The following STK32B variants were observed in gnomAD, a reference collection of about 807,000 sequenced individuals.
STK32B encodes serine/threonine-protein kinase 32B.
Under a neutral mutation model 52.6 loss-of-function variants are expected in STK32B, and 43 were observed. The ratio of observed to expected loss-of-function variants is 0.82; its 90% CI spans 0.64 to 1.05. STK32B has a LOEUF of 1.05. Ranked by LOEUF, STK32B falls within the 50% of genes least tolerant of loss-of-function variation. The probability of loss-of-function intolerance (pLI) is 0.00; values close to 1 mark genes in which losing one functional copy is unlikely to be tolerated. For missense variants in STK32B, 621 were observed against 534.6 expected, an observed-to-expected ratio of 1.16 and a Z score of -1.59; for synonymous variants, 238 against 204.3, an observed-to-expected ratio of 1.17 and a Z score of -1.41.
intron 3 of STK32B, among the ~76,000 whole-genome samples, chr4:5,211,508 C>T: frequency 7.5e-6 from 1 of 132,854 alleles, no homozygotes; most frequent in South Asian, 2.7e-4. Context: ...ACTGGAGGTC[C>T]CCAGGAGGAC....
chr4:5,439,002 T>C (rs1181668966), intron 6 of STK32B, among the ~76,000 whole-genome samples: 4 of 151,708 alleles, frequency 2.6e-5, no homozygotes, highest in Admixed American at 6.6e-5. Context: ...CAGTCTATCA[T>C]TGTTGGACAT....
At chr4:5,127,414 C>G (rs1458319824) in intron 1 of STK32B, among the ~76,000 whole-genome samples, 1 of 152,132 alleles carries the variant, frequency 6.6e-6, no homozygotes, top group Non-Finnish European at 1.5e-5. Context: ...ATTAATTGCC[C>G]TGATTCTTCA....
At chr4:5,247,063 A>C (rs569851046) in intron 3 of STK32B, among the ~76,000 whole-genome samples, 1 of 152,136 alleles carries the variant, frequency 6.6e-6, no homozygotes, top group Admixed American at 6.5e-5. Context: ...TCAGATCTCA[A>C]GCTGCATGCT....
At chr4:5,086,080 G>A (rs960985889) in intron 1 of STK32B, among the ~76,000 whole-genome samples, 6 of 152,084 alleles carry the variant, frequency 3.9e-5, no homozygotes, top group African/African-American at 1.4e-4. Context: ...GATAATAGTT[G>A]GTGCAAACAA....
intron 11 of STK32B, among the ~76,000 whole-genome samples, chr4:5,477,974 A>T (rs1175457812): frequency 6.6e-6 from 1 of 152,148 alleles, no homozygotes; most frequent in Non-Finnish European, 1.5e-5. Context: ...GCTGAGGCGG[A>T]AAAGCTCAGC....
the STK32B span, chr4:5,019,592 G>A: frequency 2.5e-6 from 2 of 813,014 alleles, no homozygotes; most frequent in South Asian, 3.2e-5. Flanking sequence ...CACGCCCACC[G>A]GGCAGGGTCG....
In STK32B at chr4:5,467,930, G is replaced by A. The variant is rs761508920; in HGVS notation, c.1042-76G>A. 105 of 1,541,890 alleles carry A rather than the reference G, an allele frequency of 6.8e-5. No individual in the cohort carries two copies. The highest frequency in any genetic ancestry group is 2.0e-4 in the Middle Eastern group (1 of 5,090). ...AGGTTTCCATCTAGGTCAGTCTGCCGTCCTGTGATGCTCCATTACCGCGCG... is the reference window on the plus strand; with the variant it reads ...AGGTTTCCATCTAGGTCAGTCTGCCATCCTGTGATGCTCCATTACCGCGCG... On this transcript the variant is annotated intron_variant, in intron 10 of 11. Coordinates refer to ENST00000282908, the MANE Select transcript of STK32B (RefSeq NM_018401.3). This position sits in a 1 kb window ranked among gnomAD's most constrained non-coding sequence, Gnocchi z 5.8.
intron 2 of STK32B, among the ~76,000 whole-genome samples, chr4:5,159,620 A>T (rs191244717): frequency 9.6e-6 from 1 of 104,582 alleles, no homozygotes; most frequent in East Asian, 2.6e-4. Context: ...AATATATATG[A>T]ATATATATGA....
intron 3 of STK32B, among the ~76,000 whole-genome samples, chr4:5,310,940 T>A (rs72616106): frequency 0.13 from 19,476 of 152,070 alleles, 2,697 homozygotes; most frequent in African/African-American, 0.36. Flanking sequence ...CCAGGCACAG[T>A]AAAGAAAATG....
chr4:5,271,027 T>A (rs1364376707), intron 3 of STK32B, among the ~76,000 whole-genome samples: 1 of 145,174 alleles, frequency 6.9e-6, no homozygotes, highest in African/African-American at 2.5e-5. Flanking sequence ...AACCTCTGCC[T>A]CCCAGATTCA....
chr4:5,251,373 T>C (rs1358090297), intron 3 of STK32B, among the ~76,000 whole-genome samples: 2 of 152,176 alleles, frequency 1.3e-5, no homozygotes, highest in African/African-American at 2.4e-5. Context: ...TTGTTGACTT[T>C]GTTGAAGGTC....
At chr4:5,476,245 A>T (rs1394198676) in intron 11 of STK32B, among the ~76,000 whole-genome samples, 1 of 152,110 alleles carries the variant, frequency 6.6e-6, no homozygotes, top group South Asian at 2.1e-4. Context: ...AGAATAAGTC[A>T]TCCGTCTGAG....
In STK32B at chr4:5,196,707, C is replaced by T. The variant is rs371405133; in HGVS notation, c.260+28257C>T. Among the ~76,000 whole-genome samples the T allele has an allele frequency of 4.1e-5, 6 of 144,812 alleles. No homozygotes were observed. The South Asian group carries it at 8.7e-4, about 21-fold the overall frequency. On this transcript the variant is annotated intron_variant, in intron 3 of 11. Transcript: ENST00000282908. Reference sequence around the variant, plus strand: ...CTGCTCTCCAGTCTGGGCGGCAGAGCGAGACTCTGTCTCAAAAAAATAAAA... The same window carrying T: ...CTGCTCTCCAGTCTGGGCGGCAGAGTGAGACTCTGTCTCAAAAAAATAAAA...
chr4:5,398,865 T>C lies in STK32B; in HGVS notation c.472+621T>C, dbSNP rs10024978. Among the ~76,000 whole-genome samples the C allele has an allele frequency of 0.04, 5,922 of 148,540 alleles. 390 individuals carry two copies. Among genetic ancestry groups the C allele is most frequent in the African/African-American group, 0.15 (5,528 of 38,124 alleles). On this transcript the variant is annotated intron_variant, in intron 5 of 11. Transcript: ENST00000282908. The surrounding 1 kb of genome is among the most constrained non-coding windows in gnomAD (Gnocchi z 4.9). ...TGCAAAGCTCCCAGGTGGCTGATGC[T>C]GCTGGTCCATGGACCACACCTTGAG...
At chr4:5,484,543 G>C (rs553041748) in intron 11 of STK32B, among the ~76,000 whole-genome samples, 1 of 152,104 alleles carries the variant, frequency 6.6e-6, no homozygotes, top group Non-Finnish European at 1.5e-5. Flanking sequence ...TCTTTATCCA[G>C]TTTGCCAGTC....
chr4:5,436,847 G>C (rs1018244814), intron 6 of STK32B, among the ~76,000 whole-genome samples: 1 of 152,126 alleles, frequency 6.6e-6, no homozygotes, highest in African/African-American at 2.4e-5. Flanking sequence ...TAATAAGGAG[G>C]TGTGGAGAAC....
At chr4:5,143,591 G>A (rs1716672241) in intron 2 of STK32B, among the ~76,000 whole-genome samples, 1 of 152,148 alleles carries the variant, frequency 6.6e-6, no homozygotes, top group South Asian at 2.1e-4. Context: ...CCTGCAGACT[G>A]ATAAACAGAT....
At chr4:5,085,435 ATG>A (rs1712678548) in intron 1 of STK32B, among the ~76,000 whole-genome samples, 2 of 152,226 alleles carry the variant, frequency 1.3e-5, no homozygotes, top group African/African-American at 4.8e-5. Flanking sequence ...TTTAAGGTTA[ATG>A]TCACAAACAT....
intron 3 of STK32B, among the ~76,000 whole-genome samples, chr4:5,288,194 T>C (rs1192569698): frequency 6.6e-6 from 1 of 152,220 alleles, no homozygotes; most frequent in East Asian, 1.9e-4. Flanking sequence ...GTAATGCTAC[T>C]GGGAATATTT....
Sources: gnomAD v4.1 joint callset for allele counts (sites outside exome capture counted in the v4.1 genomes callset) on GRCh38, gnomAD v4.1.1 for gene constraint, Gnocchi (gnomAD v3.1) non-coding constraint, MANE v1.5 for transcripts, NCBI Gene and HGNC (gene_info 2026-07-23, HGNC 2026-07-21) for gene names.